MAF: variants seen among roughly 807,000 people sequenced by gnomAD.
MAF encodes transcription factor Maf.
A neutral mutation model predicts 22.0 loss-of-function variants in MAF; 10 were observed. That is an observed-to-expected ratio of 0.45 (90% CI 0.28 to 0.77). MAF has a LOEUF of 0.77. Among genes scored for constraint, MAF ranks in the 30% least tolerant of loss-of-function variants. MAF has a pLI of 0.12. For synonymous variants in MAF, 337 were observed against 255.8 expected (o/e 1.32, Z -3.03); for missense variants, 544 against 548.4 (o/e 0.99, Z 0.08).
At chr16:79,500,092 G>C in the MAF span, among the ~76,000 whole-genome samples, 1 of 152,200 alleles carries the variant, frequency 6.6e-6, no homozygotes, top group Non-Finnish European at 1.5e-5. Flanking sequence ...TTTGCCTGGA[G>C]CCTCCAGAAG....
the MAF span, among the ~76,000 whole-genome samples, chr16:79,294,475 G>A: frequency 6.6e-6 from 1 of 152,188 alleles, no homozygotes; most frequent in Non-Finnish European, 1.5e-5. Flanking sequence ...GACAAGGTGG[G>A]AAGCTGGCTC....
At chr16:79,382,475 A>G in the MAF span, among the ~76,000 whole-genome samples, 4 of 152,360 alleles carry the variant, frequency 2.6e-5, no homozygotes, top group African/African-American at 9.6e-5. Flanking sequence ...GGCAACTGCA[A>G]CTGAGGAACT....
chr16:79,211,034 A>AGTGTGTGGTGTGTGTGT, the MAF span, among the ~76,000 whole-genome samples: 1 of 149,602 alleles, frequency 6.7e-6, no homozygotes, highest in Non-Finnish European at 1.5e-5. Context: ...TATGGTGAGG[A>AGTGTGTGGTGTGTGTGT]GTGTGTGTGT....
the MAF span, among the ~76,000 whole-genome samples, chr16:79,375,085 G>A: frequency 6.6e-6 from 1 of 152,194 alleles, no homozygotes. Flanking sequence ...ATCATTTGTA[G>A]AATGGATGGA....
At chr16:79,438,322 G>C in the MAF span, among the ~76,000 whole-genome samples, 1 of 152,196 alleles carries the variant, frequency 6.6e-6, no homozygotes, top group Admixed American at 6.5e-5. Flanking sequence ...CCCGTTTGGA[G>C]GTAGAGCAGT....
At chr16:79,391,731 G>A in the MAF span, among the ~76,000 whole-genome samples, 1 of 152,172 alleles carries the variant, frequency 6.6e-6, no homozygotes, top group African/African-American at 2.4e-5. Context: ...TGGAAATGCG[G>A]CTGCGTCAGG....
At chr16:79,551,104 T>C in the MAF span, among the ~76,000 whole-genome samples, 3 of 152,062 alleles carry the variant, frequency 2.0e-5, no homozygotes, top group Non-Finnish European at 4.4e-5. Context: ...CTCACCCTAG[T>C]CTCCTTCCTT....
chr16:79,505,274 G>A, the MAF span, among the ~76,000 whole-genome samples: 1 of 152,110 alleles, frequency 6.6e-6, no homozygotes, highest in Non-Finnish European at 1.5e-5. Context: ...TCCTGATTAT[G>A]GATTTCATTC....
the MAF span, among the ~76,000 whole-genome samples, chr16:79,441,173 C>A: frequency 2.0e-5 from 3 of 152,190 alleles, no homozygotes; most frequent in African/African-American, 7.2e-5. Context: ...CTACTTACAC[C>A]ATTGCACACA....
chr16:79,233,427 G>C, the MAF span, among the ~76,000 whole-genome samples: 254 of 152,132 alleles, frequency 1.7e-3, 3 homozygotes, highest in African/African-American at 5.8e-3. Context: ...GATAGCCCTA[G>C]AGGTTCCATT....
At chr16:79,382,037 T>A in the MAF span, among the ~76,000 whole-genome samples, 195 of 152,322 alleles carry the variant, frequency 1.3e-3, 2 homozygotes, top group African/African-American at 4.6e-3. Context: ...CTTTCCCCTG[T>A]CTCTTCCACT....
the MAF span, among the ~76,000 whole-genome samples, chr16:79,502,178 C>T: frequency 7.9e-5 from 12 of 152,102 alleles, no homozygotes; most frequent in African/African-American, 2.4e-4. Flanking sequence ...AAGGTACATA[C>T]GGTGGAAGGA....
chr16:79,442,654 C>T, the MAF span, among the ~76,000 whole-genome samples: 31 of 152,272 alleles, frequency 2.0e-4, no homozygotes, highest in East Asian at 5.0e-3. Flanking sequence ...TCAAAGGATC[C>T]TCCTGCCTTG....
chr16:79,296,737 C>A, the MAF span, among the ~76,000 whole-genome samples: 3 of 152,060 alleles, frequency 2.0e-5, no homozygotes. Context: ...GGCCTCAGAA[C>A]TGGCCCTGCC....
At chr16:79,296,253 G>A in the MAF span, among the ~76,000 whole-genome samples, 1 of 152,172 alleles carries the variant, frequency 6.6e-6, no homozygotes, top group African/African-American at 2.4e-5. Context: ...TAAGAACATA[G>A]TGAAAGCTTA....
At chr16:79,309,822 T>C in the MAF span, among the ~76,000 whole-genome samples, 1 of 152,176 alleles carries the variant, frequency 6.6e-6, no homozygotes, top group Non-Finnish European at 1.5e-5. Context: ...AAAACTTTGC[T>C]GTACCTCTAT....
the MAF span, among the ~76,000 whole-genome samples, chr16:79,577,410 G>A: frequency 6.6e-5 from 10 of 152,200 alleles, no homozygotes; most frequent in South Asian, 1.9e-3. Context: ...AGGGTCAATT[G>A]ATACCTTAAT....
Position 79,600,392 on chromosome 16 carries a change from G to A in MAF, c.-490C>T, listed in dbSNP as rs937922702. 5 of 197,590 alleles carry A rather than the reference G, an allele frequency of 2.5e-5. No individual in the cohort carries two copies. The allele number at this position is 197,590 out of a possible 1,614,324, so 12.2% of individuals were successfully genotyped here. On this transcript the variant is annotated 5_prime_UTR_variant, in exon 1 of 2. Transcript: ENST00000326043. ...GGCGTCCGCTCGGGGCTGGAGGCGC[G>A]GCGGGCGTCTGTCCGGGCGGCGCGG... is the stretch of plus-strand genomic sequence containing the variant.
At chr16:79,437,289 C>G in the MAF span, among the ~76,000 whole-genome samples, 1 of 152,086 alleles carries the variant, frequency 6.6e-6, no homozygotes, top group African/African-American at 2.4e-5. Context: ...CTCCTTCGTG[C>G]AAATTACATG....
Sources: allele counts gnomAD v4.1 joint callset (sites outside exome capture counted in the v4.1 genomes callset), GRCh38; gene constraint gnomAD v4.1.1; transcripts MANE v1.5; gene names NCBI Gene and HGNC (gene_info 2026-07-23, HGNC 2026-07-21).